CPS1: variants seen among roughly 807,000 people sequenced by gnomAD.
CPS1 encodes the protein carbamoyl-phosphate synthase [ammonia], mitochondrial.
Under a neutral mutation model 174.6 loss-of-function variants are expected in CPS1, and 109 were observed. The observed-to-expected ratio is 0.62, with a 90% confidence interval of 0.53 to 0.73. The LOEUF is 0.73. Among genes scored for constraint, CPS1 ranks in the 30% least tolerant of loss-of-function variants. CPS1 has a pLI of 0.00. For synonymous variants in CPS1, 637 were observed against 632.0 expected (o/e 1.01, Z -0.12); for missense variants, 1,689 against 1,821.9 (o/e 0.93, Z 1.33).
intron 1 of CPS1, among the ~76,000 whole-genome samples, chr2:210,570,783 G>A (rs757507915): frequency 6.6e-6 from 1 of 151,482 alleles, no homozygotes; most frequent in Non-Finnish European, 1.5e-5. Context: ...AATATTTTTC[G>A]ATGGCAAATT....
chr2:210,650,556 C>G (rs762978185), intron 28 of CPS1, 118 bp downstream of exon 28: 54 of 812,882 alleles, frequency 6.6e-5, no homozygotes, highest in Non-Finnish European at 1.0e-4. Context: ...TGTATGTTTT[C>G]TTTTCACACA....
intron 12 of CPS1, among the ~76,000 whole-genome samples, chr2:210,595,103 C>G (rs939381260): frequency 6.6e-6 from 1 of 151,724 alleles, no homozygotes. Flanking sequence ...AAAGTTTTTA[C>G]CCATTTCCTT....
Position 210,678,160 on chromosome 2 carries a change from A to G in CPS1, c.*175A>G. On this transcript the variant is annotated 3_prime_UTR_variant, in exon 38 of 38. Coordinates refer to ENST00000233072, the MANE Select transcript of CPS1 (RefSeq NM_001875.5). ...AATTAAATTGTCAGTCACTTCTTCA[A>G]AACCTTACAGTCCTTCCTAAGTTAC... is the stretch of plus-strand genomic sequence containing the variant. 2 of 696,314 alleles carry G rather than the reference A, an allele frequency of 2.9e-6. No individual in the cohort carries two copies. Among genetic ancestry groups the G allele is most frequent in the Non-Finnish European group, 5.3e-6 (2 of 375,600 alleles). 43.1% of individuals were successfully genotyped at this position (696,314 alleles called of 1,614,324 possible).
At chr2:210,585,417 A>G (rs1698074624) in intron 6 of CPS1, among the ~76,000 whole-genome samples, 1 of 152,050 alleles carries the variant, frequency 6.6e-6, no homozygotes, top group East Asian at 1.9e-4. Flanking sequence ...GGCACGATCT[A>G]TTGAGTACTT....
intron 1 of CPS1, among the ~76,000 whole-genome samples, chr2:210,506,264 A>T: frequency 6.6e-6 from 1 of 152,164 alleles, no homozygotes; most frequent in East Asian, 1.9e-4. Flanking sequence ...TCTGATACCC[A>T]GGCAAACAGG....
At chr2:210,658,174 T>A (rs1700783377) in intron 30 of CPS1, 1 of 228,970 alleles carries the variant, frequency 4.4e-6, no homozygotes, top group Non-Finnish European at 8.7e-6. Context: ...ACAAAAGAAA[T>A]CTCTCTGGTT....
intron 24 of CPS1, among the ~76,000 whole-genome samples, chr2:210,641,389 G>C (rs982380158): frequency 6.6e-6 from 1 of 152,082 alleles, no homozygotes; most frequent in Non-Finnish European, 1.5e-5. Context: ...GCCTCCCAAA[G>C]TGCTGGTATT....
intron 1 of CPS1, among the ~76,000 whole-genome samples, chr2:210,517,525 A>G (rs1695713755): frequency 6.6e-6 from 1 of 152,010 alleles, no homozygotes; most frequent in South Asian, 2.1e-4. Flanking sequence ...CCCACCTTGA[A>G]TCGAGGGAAA....
chr2:210,515,795 G>A (rs1024520185), intron 1 of CPS1, among the ~76,000 whole-genome samples: 13 of 151,810 alleles, frequency 8.6e-5, no homozygotes, highest in Non-Finnish European at 1.5e-4. Flanking sequence ...ATGTTAGATC[G>A]TTAATTTGAG....
chr2:210,535,054 C>T (rs1336229211), intron 1 of CPS1, among the ~76,000 whole-genome samples: 2 of 152,240 alleles, frequency 1.3e-5, no homozygotes, highest in African/African-American at 4.8e-5. Flanking sequence ...CTAACTCTGG[C>T]TCTCTTTCGG....
chr2:210,597,625 G>T (rs891781637), intron 13 of CPS1, among the ~76,000 whole-genome samples: 1 of 151,712 alleles, frequency 6.6e-6, no homozygotes, highest in Non-Finnish European at 1.5e-5. Context: ...ATATTTTGTT[G>T]ACTTTTTAGG....
At chr2:210,548,763 C>T (rs1696630386) in intron 1 of CPS1, among the ~76,000 whole-genome samples, 1 of 152,030 alleles carries the variant, frequency 6.6e-6, no homozygotes, top group Non-Finnish European at 1.5e-5. Flanking sequence ...GGTACTCCTG[C>T]CCTATGACTC....
intron 1 of CPS1, among the ~76,000 whole-genome samples, chr2:210,511,155 G>A (rs1053928981): frequency 2.6e-5 from 4 of 152,142 alleles, no homozygotes; most frequent in African/African-American, 9.7e-5. Context: ...TGATAGACTG[G>A]ATTAAGAAAA....
intron 20 of CPS1, among the ~76,000 whole-genome samples, chr2:210,615,533 T>C (rs1185371046): frequency 6.6e-6 from 1 of 152,024 alleles, no homozygotes; most frequent in East Asian, 1.9e-4. Context: ...AAACGCAGTG[T>C]GTTATTCTAA....
chr2:210,514,229 G>C (rs575169450), intron 1 of CPS1, among the ~76,000 whole-genome samples: 1 of 152,084 alleles, frequency 6.6e-6, no homozygotes, highest in South Asian at 2.1e-4. Flanking sequence ...AAATGACATT[G>C]GTTGTTTGAT....
chr2:210,658,734 G>T, intron 31 of CPS1, 46 bp downstream of exon 31: 4 of 1,348,566 alleles, frequency 3.0e-6, no homozygotes, highest in Non-Finnish European at 3.2e-6. Context: ...ACTGTGTTAC[G>T]TCATGTTGGT....
chr2:210,645,343 T>G (rs894417155), intron 25 of CPS1, among the ~76,000 whole-genome samples: 1 of 152,022 alleles, frequency 6.6e-6, no homozygotes, highest in Non-Finnish European at 1.5e-5. Context: ...AAAAAAAAAG[T>G]AGTTTTTTAA....
chr2:210,590,843 C>G lies in CPS1; in HGVS notation c.884C>G (p.Thr295Arg). The G allele has an allele frequency of 1.9e-6, 3 of 1,611,174 alleles. No individual in the cohort carries two copies. Among genetic ancestry groups the G allele is most frequent in the Non-Finnish European group, 2.5e-6 (3 of 1,178,188 alleles). ...DRKEPLFGIS[T>R]GNLITGLAAG... ...AAGGAGCCATTGTTTGGAATCAGTA[C>G]AGGAAACTTAATAACAGGATTGGCT... The change falls in exon 9 of 38, where the codon ACA (threonine) becomes AGA (arginine). Residue 295 changes from threonine (T) to arginine (R), a missense_variant. Coordinates refer to ENST00000233072, the MANE Select transcript of CPS1 (RefSeq NM_001875.5).
Position 210,592,912 on chromosome 2 carries a change from GTGCA to G in CPS1, c.1121_1124del (p.Val374GlyfsTer11), listed in dbSNP as rs776568200. 2 of 1,612,326 alleles carry G rather than the reference GTGCA, an allele frequency of 1.2e-6. No individual in the cohort carries two copies. Among genetic ancestry groups the G allele is most frequent in the Non-Finnish European group, 1.7e-6 (2 of 1,178,970 alleles). Reference sequence around the variant, plus strand: ...GCATGAGAGCAAACCCTTCTTCGCTGTGCAGTTCCACCCAGAGGTCACCCCGGGG... The same window carrying G: ...GCATGAGAGCAAACCCTTCTTCGCTGGTTCCACCCAGAGGTCACCCCGGGG... On this transcript the variant is annotated frameshift_variant, in exon 11 of 38. Coordinates refer to ENST00000233072, the MANE Select transcript of CPS1 (RefSeq NM_001875.5). LOFTEE classifies it high-confidence loss of function.
Sources: allele counts gnomAD v4.1 joint callset (sites outside exome capture counted in the v4.1 genomes callset), GRCh38; gene constraint gnomAD v4.1.1; transcripts MANE v1.5; gene names NCBI Gene and HGNC (gene_info 2026-07-23, HGNC 2026-07-21).